FREM2: variants seen among roughly 807,000 people sequenced by gnomAD.
FREM2 encodes FRAS1-related extracellular matrix protein 2.
FREM2 carries 119 observed loss-of-function variants against 219.9 expected under a neutral mutation model. The observed-to-expected ratio is 0.54, with a 90% CI of 0.47 to 0.63. FREM2 has a LOEUF of 0.63. Among genes scored for constraint, FREM2 ranks in the 30% least tolerant of loss-of-function variants. The pLI, the probability that FREM2 is intolerant of heterozygous loss-of-function variation, is 0.00. For synonymous variants in FREM2, 1,562 were observed against 1,522.8 expected (o/e 1.03, Z -0.60); for missense variants, 4,030 against 3,993.6 (o/e 1.01, Z -0.25).
intron 6 of FREM2, among the ~76,000 whole-genome samples, chr13:38,786,153 G>C (rs140782333): frequency 6.6e-6 from 1 of 152,196 alleles, no homozygotes; most frequent in African/African-American, 2.4e-5. Context: ...ACCAGAGCTT[G>C]CTCCTCTTAT....
rs1438262952 is a variant in FREM2 at position 38,757,443 on chromosome 13, T to C, written c.5264-6861T>C. On this transcript the variant is annotated intron_variant, in intron 2 of 23. Transcript: ENST00000280481. Reference sequence around the variant, plus strand: ...GTGACAATTACTAAGATATCATAGCTTCATTTATTCTTTTGTGCTTGTACA... The same window carrying C: ...GTGACAATTACTAAGATATCATAGCCTCATTTATTCTTTTGTGCTTGTACA... 2.6e-5 allele frequency among the ~76,000 whole-genome samples: 4 copies of C among 152,130 alleles called. No homozygotes were observed. In the East Asian group the frequency reaches 7.7e-4, roughly 29 times the overall value.
chr13:38,789,010 A>T (rs1190944460), intron 6 of FREM2, among the ~76,000 whole-genome samples: 1 of 152,046 alleles, frequency 6.6e-6, no homozygotes, highest in Non-Finnish European at 1.5e-5. Context: ...TTACTTGTTC[A>T]TGATGTAATT....
chr13:38,874,740 T>C (rs1878285030), intron 18 of FREM2, among the ~76,000 whole-genome samples, 154 bp downstream of exon 18: 1 of 152,210 alleles, frequency 6.6e-6, no homozygotes, highest in Non-Finnish European at 1.5e-5. Flanking sequence ...AGCTTGATAA[T>C]TGTTCAGCTT....
intron 6 of FREM2, among the ~76,000 whole-genome samples, chr13:38,803,934 A>G (rs958842081): frequency 4.2e-4 from 64 of 151,784 alleles, no homozygotes; most frequent in African/African-American, 1.5e-3. Context: ...TGTGAATGAA[A>G]TTTTTTTATT....
chr13:38,815,493 G>A (rs1018107259), intron 6 of FREM2, among the ~76,000 whole-genome samples: 1 of 152,148 alleles, frequency 6.6e-6, no homozygotes, highest in African/African-American at 2.4e-5. Flanking sequence ...GACAAAATTA[G>A]ATATTAAACA....
At chr13:38,723,922 A>G (rs954013746) in intron 2 of FREM2, among the ~76,000 whole-genome samples, 1 of 152,216 alleles carries the variant, frequency 6.6e-6, no homozygotes, top group Non-Finnish European at 1.5e-5. Flanking sequence ...AACTTGCTCA[A>G]GGTCATACAG....
intron 2 of FREM2, among the ~76,000 whole-genome samples, chr13:38,759,460 A>C (rs1279230233): frequency 1.3e-5 from 2 of 152,046 alleles, no homozygotes; most frequent in African/African-American, 4.8e-5. Context: ...TAAAAAAAAA[A>C]AAAAACGACT....
At chr13:38,749,334 T>G (rs953929534) in intron 2 of FREM2, among the ~76,000 whole-genome samples, 2 of 152,176 alleles carry the variant, frequency 1.3e-5, no homozygotes, top group South Asian at 4.1e-4. Flanking sequence ...TACAGGAAAC[T>G]TTTCCACATC....
intron 2 of FREM2, among the ~76,000 whole-genome samples, chr13:38,736,874 T>A (rs1255032227): frequency 6.6e-6 from 1 of 152,178 alleles, no homozygotes; most frequent in African/African-American, 2.4e-5. Flanking sequence ...TTTGTTTTTT[T>A]TTTCTGCTTT....
intron 2 of FREM2, among the ~76,000 whole-genome samples, chr13:38,742,724 T>C (rs1872299903): frequency 6.6e-6 from 1 of 152,232 alleles, no homozygotes; most frequent in African/African-American, 2.4e-5. Flanking sequence ...CTTTGTGTAC[T>C]TTTCTAATCA....
chr13:38,787,682 C>T (rs1413687488), intron 6 of FREM2, among the ~76,000 whole-genome samples: 1 of 150,916 alleles, frequency 6.6e-6, no homozygotes, highest in African/African-American at 2.4e-5. Context: ...AAAGTTATTT[C>T]CTAATTAACT....
chr13:38,737,804 G>A lies in FREM2; in HGVS notation c.5264-26500G>A, dbSNP rs549208408. ...AGGAAATAAGTCATGAGGTTTTGGT[G>A]TGTTGTTCTAAGGTTTTAGACTTTA... On this transcript the variant is annotated intron_variant, in intron 2 of 23. Coordinates refer to ENST00000280481, the MANE Select transcript of FREM2 (RefSeq NM_207361.6). Among the ~76,000 whole-genome samples, 253 of 152,324 alleles carry A rather than the reference G, an allele frequency of 1.7e-3. 1 individual carries two copies. Among genetic ancestry groups the A allele is most frequent in the African/African-American group, 5.9e-3 (246 of 41,574 alleles).
At chr13:38,751,426 C>CA (rs1213776820) in intron 2 of FREM2, among the ~76,000 whole-genome samples, 1 of 152,092 alleles carries the variant, frequency 6.6e-6, no homozygotes, top group African/African-American at 2.4e-5. Context: ...TTTCCTTTCA[C>CA]AAACCCTACA....
chr13:38,760,280 A>G (rs1873176572), intron 2 of FREM2, among the ~76,000 whole-genome samples: 2 of 152,186 alleles, frequency 1.3e-5, no homozygotes, highest in Non-Finnish European at 2.9e-5. Context: ...ATTTTGAAGT[A>G]AAATCTCAAG....
intron 2 of FREM2, among the ~76,000 whole-genome samples, chr13:38,759,679 C>T (rs927783925): frequency 6.6e-6 from 1 of 152,174 alleles, no homozygotes; most frequent in African/African-American, 2.4e-5. Flanking sequence ...CTGAGACTAG[C>T]TCCTCATGCA....
intron 15 of FREM2, among the ~76,000 whole-genome samples, chr13:38,862,444 C>T (rs1593451664): frequency 6.6e-6 from 1 of 152,158 alleles, no homozygotes; most frequent in Admixed American, 6.5e-5. Context: ...AGGGACCCAT[C>T]AGGGAAACAC....
At chr13:38,800,268 A>G (rs1484673787) in intron 6 of FREM2, among the ~76,000 whole-genome samples, 3 of 152,122 alleles carry the variant, frequency 2.0e-5, no homozygotes, top group Non-Finnish European at 4.4e-5. Flanking sequence ...TTTAATCAGC[A>G]TTTTCTTATC....
intron 6 of FREM2, among the ~76,000 whole-genome samples, chr13:38,843,476 TA>T (rs1170649902): frequency 6.6e-6 from 1 of 152,052 alleles, no homozygotes; most frequent in Non-Finnish European, 1.5e-5. Flanking sequence ...AGAGGTGAGT[TA>T]AAAGTCTTAC....
In FREM2 at chr13:38,734,587, AT is replaced by A. The variant is rs1431169500; in HGVS notation, c.5264-29716del. Among the ~76,000 whole-genome samples, 11 of 152,188 alleles carry A rather than the reference AT, an allele frequency of 7.2e-5. No homozygotes were observed. In the East Asian group the frequency reaches 2.1e-3, roughly 29 times the overall value. ...TGGGAAATATCTGCTGATATATACC[AT>A]AATCTAAACTGAAGAAATTTAAAGC... On this transcript the variant is annotated intron_variant, in intron 2 of 23. Coordinates refer to ENST00000280481, the MANE Select transcript of FREM2 (RefSeq NM_207361.6).
Sources: gnomAD v4.1 joint callset for allele counts (sites outside exome capture counted in the v4.1 genomes callset) on GRCh38, gnomAD v4.1.1 for gene constraint, MANE v1.5 for transcripts, NCBI Gene and HGNC (gene_info 2026-07-23, HGNC 2026-07-21) for gene names.